UNC93A: variants seen among roughly 807,000 people sequenced by gnomAD.
The protein encoded by UNC93A is unc-93 homolog A.
Under a neutral mutation model 47.5 loss-of-function variants are expected in UNC93A, and 43 were observed. The observed-to-expected ratio is 0.91, with a 90% CI of 0.71 to 1.17. UNC93A has a LOEUF of 1.17. Ranked by LOEUF, UNC93A falls within the 50% of genes most tolerant of loss-of-function variation. The pLI, the probability that UNC93A is intolerant of heterozygous loss-of-function variation, is 0.00. For synonymous variants in UNC93A, 280 were observed against 258.0 expected (o/e 1.09, Z -0.82); for missense variants, 605 against 577.6 (o/e 1.05, Z -0.49).
chr6:167,315,494 C>T lies in UNC93A; in HGVS notation c.*42C>T. On this transcript the variant is annotated 3_prime_UTR_variant, in exon 8 of 8. Transcript: ENST00000230256. ...GGAGGATGAACTCAGAAAGCACCAG[C>T]CAGAGAATTTTCTTAGAAGATGCCT... 6.2e-7 allele frequency: 1 copy of T among 1,613,576 alleles called. No homozygotes were observed. Among genetic ancestry groups the T allele is most frequent in the Admixed American group, 1.7e-5 (1 of 60,020 alleles).
chr6:167,302,993 C>T (rs565969293), intron 4 of UNC93A, among the ~76,000 whole-genome samples: 6 of 152,282 alleles, frequency 3.9e-5, no homozygotes, highest in Admixed American at 2.6e-4. Context: ...AGATGCTCCC[C>T]GGGCCATAGT....
chr6:167,295,945 C>A, intron 2 of UNC93A, 87 bp from the exon 3 acceptor site: 1 of 1,302,408 alleles, frequency 7.7e-7, no homozygotes, highest in South Asian at 1.4e-5. Flanking sequence ...GGTTCCTTCT[C>A]CCAGATTGAC....
chr6:167,276,151 C>T (rs1783539727), intron 1 of UNC93A, among the ~76,000 whole-genome samples: 1 of 151,384 alleles, frequency 6.6e-6, no homozygotes, highest in Non-Finnish European at 1.5e-5. Flanking sequence ...ATATCTTGTC[C>T]CCAGTTCCAT....
chr6:167,269,507 G>A (rs1428144383), upstream of UNC93A, among the ~76,000 whole-genome samples: 2 of 152,128 alleles, frequency 1.3e-5, no homozygotes, highest in African/African-American at 4.8e-5. Context: ...TGACAATGTG[G>A]CAAATAAAGG....
At chr6:167,315,021 C>T (rs1321895718) in intron 7 of UNC93A, among the ~76,000 whole-genome samples, 166 bp from the exon 8 acceptor site, 5 of 152,062 alleles carry the variant, frequency 3.3e-5, no homozygotes, top group Non-Finnish European at 5.9e-5. Context: ...CTCAGGTTTT[C>T]GGGGTTCATG....
At chr6:167,305,102 T>TCCGTCCCCACC (rs11275636) in intron 5 of UNC93A, among the ~76,000 whole-genome samples, 97,003 of 151,418 alleles carry the variant, frequency 0.64, 31,297 homozygotes, top group South Asian at 0.76. Flanking sequence ...ACTTCTCTGC[T>TCCGTCCCCACC]CCAGATCCCT....
At chr6:167,285,301 C>T (rs1422297382) in intron 1 of UNC93A, among the ~76,000 whole-genome samples, 4 of 151,900 alleles carry the variant, frequency 2.6e-5, no homozygotes, top group Non-Finnish European at 5.9e-5. Flanking sequence ...GTGCAGAATT[C>T]GGGAAATACT....
intron 7 of UNC93A, among the ~76,000 whole-genome samples, chr6:167,310,941 C>T (rs1778539338): frequency 6.6e-6 from 1 of 152,214 alleles, no homozygotes; most frequent in South Asian, 2.1e-4. Flanking sequence ...GGACTTTATA[C>T]TCGCAATCGT....
At chr6:167,303,721 G>A (rs1778303440) in intron 4 of UNC93A, among the ~76,000 whole-genome samples, 198 bp from the exon 5 acceptor site, 1 of 152,034 alleles carries the variant, frequency 6.6e-6, no homozygotes, top group African/African-American at 2.4e-5. Context: ...TAAGTCTTGA[G>A]GTAATCAGAG....
chr6:167,296,008 T>C (rs766142528), intron 2 of UNC93A, 24 bp from the exon 3 acceptor site: 24 of 1,609,346 alleles, frequency 1.5e-5, no homozygotes, highest in Middle Eastern at 1.6e-4. Flanking sequence ...TGTTACAGGC[T>C]ATGGGTCTGC....
chr6:167,285,523 G>A (rs926347650), intron 1 of UNC93A, among the ~76,000 whole-genome samples: 12 of 151,886 alleles, frequency 7.9e-5, no homozygotes, highest in Admixed American at 5.9e-4. Context: ...GGCCTGACTC[G>A]CCCGTGGGGC....
chr6:167,300,512 G>A (rs547189155), intron 4 of UNC93A, among the ~76,000 whole-genome samples: 7 of 152,136 alleles, frequency 4.6e-5, no homozygotes, highest in South Asian at 2.1e-4. Context: ...GGCTGTTGAT[G>A]CCCATCAGGC....
At chr6:167,288,611 AT>A (rs1314220813), upstream of UNC93A, among the ~76,000 whole-genome samples, 2 of 152,228 alleles carry the variant, frequency 1.3e-5, no homozygotes, top group Non-Finnish European at 2.9e-5. Flanking sequence ...ATTTGAGTTT[AT>A]TTGGTATTGC....
chr6:167,300,782 G>A (rs1778221192), intron 4 of UNC93A, among the ~76,000 whole-genome samples: 3 of 152,126 alleles, frequency 2.0e-5, no homozygotes, highest in Admixed American at 2.0e-4. Flanking sequence ...GGGGACTCGG[G>A]GACATTGAGC....
At chr6:167,288,105 G>A (rs1783772740), upstream of UNC93A, among the ~76,000 whole-genome samples, 1 of 152,182 alleles carries the variant, frequency 6.6e-6, no homozygotes, top group East Asian at 1.9e-4. Context: ...TGGAAGCTGG[G>A]AGGATTCACA....
chr6:167,315,194 C>A lies in UNC93A; in HGVS notation c.1116C>A (p.Tyr372Ter). 4 of 1,613,564 alleles carry A rather than the reference C, an allele frequency of 2.5e-6. No homozygotes were observed. Among genetic ancestry groups the A allele is most frequent in the Middle Eastern group, 1.7e-4 (1 of 5,788 alleles). ...AVWQTQNNAL[Y>*]GVLFEKSKEA... ...CCGCTCTCTCCTCTGCAGCTCTCTA[C>A]GGCGTTCTGTTTGAGAAGAGCAAGG... Residue 372 changes from tyrosine to a stop codon, truncating the protein, a stop_gained, in exon 8 of 8, where the codon TAC becomes TAA. Transcript: ENST00000230256. LOFTEE classifies it high-confidence loss of function.
At chr6:167,301,553 T>C (rs576558643) in intron 4 of UNC93A, among the ~76,000 whole-genome samples, 10 of 152,288 alleles carry the variant, frequency 6.6e-5, no homozygotes, top group African/African-American at 2.4e-4. Flanking sequence ...CTCTTTAGAA[T>C]TTAGGACACA....
chr6:167,297,914 C>T, intron 3 of UNC93A, 31 bp from the exon 4 acceptor site: 1 of 1,608,404 alleles, frequency 6.2e-7, no homozygotes. Flanking sequence ...TTGCCGTCAT[C>T]TCATGTCTCC....
upstream of UNC93A, among the ~76,000 whole-genome samples, chr6:167,289,144 G>T (rs1204706740): frequency 6.6e-6 from 1 of 152,300 alleles, no homozygotes; most frequent in Admixed American, 6.5e-5. Flanking sequence ...AGCCAAGCCA[G>T]CTCTGGGTTT....
Sources: allele counts gnomAD v4.1 joint callset (sites outside exome capture counted in the v4.1 genomes callset), GRCh38; gene constraint gnomAD v4.1.1; transcripts MANE v1.5; gene names NCBI Gene and HGNC (gene_info 2026-07-23, HGNC 2026-07-21).